Variants in NLRC5 observed in about 807,000 individuals in gnomAD.
NLRC5 encodes the protein NLR family CARD domain containing 5, also known as protein NLRC5.
NLRC5 carries 114 observed loss-of-function variants against 206.9 expected under a neutral mutation model. The ratio of observed to expected loss-of-function variants is 0.55; its 90% CI spans 0.47 to 0.64. The LOEUF (loss-of-function observed/expected upper bound fraction) is 0.64. Among genes scored for constraint, NLRC5 ranks in the 30% least tolerant of loss-of-function variants. The pLI, the probability that NLRC5 is intolerant of heterozygous loss-of-function variation, is 0.00. For missense variants in NLRC5, 2,008 were observed against 2,305.5 expected, an observed-to-expected ratio of 0.87 and a Z score of 2.64; for synonymous variants, 952 against 962.8, an observed-to-expected ratio of 0.99 and a Z score of 0.21.
chr16:57,023,893 G>A (rs1453412444), intron 5 of NLRC5, 40 bp downstream of exon 5: 2 of 1,561,996 alleles, frequency 1.3e-6, no homozygotes, highest in Admixed American at 3.7e-5. Flanking sequence ...CAGAGAGATG[G>A]GGTTGCCTGG....
intron 8 of NLRC5, among the ~76,000 whole-genome samples, chr16:57,029,249 C>G (rs2061546388): frequency 6.6e-6 from 1 of 152,112 alleles, no homozygotes; most frequent in African/African-American, 2.4e-5. Flanking sequence ...TCTTAATCAC[C>G]CTCACTCCCC....
chr16:57,057,158 C>T (rs1254852926), intron 27 of NLRC5, among the ~76,000 whole-genome samples: 2 of 152,054 alleles, frequency 1.3e-5, no homozygotes, highest in Non-Finnish European at 2.9e-5. Flanking sequence ...TGGTGGCTCA[C>T]GCCTGTAATC....
chr16:57,039,295 C>T (rs2062988159), intron 15 of NLRC5, among the ~76,000 whole-genome samples: 1 of 152,204 alleles, frequency 6.6e-6, no homozygotes, highest in Non-Finnish European at 1.5e-5. Flanking sequence ...GCAATAGATA[C>T]ATTTGTGAAA....
chr16:57,034,423 A>G, intron 13 of NLRC5, 172 bp downstream of exon 13: 1 of 614,884 alleles, frequency 1.6e-6, no homozygotes, highest in South Asian at 1.9e-5. Context: ...GTCCCGGGTC[A>G]GGTGCTGTGC....
intron 34 of NLRC5, among the ~76,000 whole-genome samples, chr16:57,066,896 T>A (rs2067139122): frequency 6.6e-6 from 1 of 152,174 alleles, no homozygotes. Context: ...GAATGTTCTC[T>A]TCACGCCTAC....
Position 57,025,515 on chromosome 16 carries a change from C to T in NLRC5, c.572C>T (p.Pro191Leu), listed in dbSNP as rs74439742. Residue 191 changes from proline to leucine, a missense_variant, in exon 6 of 49, where the codon CCG becomes CTG. Coordinates refer to ENST00000688547, the MANE Select transcript of NLRC5 (RefSeq NM_001384950.1). The part of the protein sequence containing the change: ...LRRATASLDT[P>L]EGAIMGDVKV... ...CGGGCCACAGCATCCTTAGACACTCCGGAGGGGGCCATTATGGGGGACGTC... is the reference window on the plus strand; with the variant it reads ...CGGGCCACAGCATCCTTAGACACTCTGGAGGGGGCCATTATGGGGGACGTC... 0.16 allele frequency: 258,266 copies of T among 1,613,316 alleles called. 21,857 individuals are homozygous for T. The highest frequency in any genetic ancestry group is 0.21 in the Middle Eastern group (1,283 of 6,058).
At chr16:57,071,936 G>T (rs1234180022) in intron 38 of NLRC5, among the ~76,000 whole-genome samples, 1 of 152,066 alleles carries the variant, frequency 6.6e-6, no homozygotes, top group Non-Finnish European at 1.5e-5. Context: ...CATGTTTCTG[G>T]ATGGACCCAG....
Position 57,042,077 on chromosome 16 carries a change from G to T in NLRC5, c.3113+12G>T. The T allele has an allele frequency of 3.3e-6, 5 of 1,496,564 alleles. No individual in the cohort carries two copies. Among genetic ancestry groups the T allele is most frequent in the Non-Finnish European group, 4.5e-6 (5 of 1,121,086 alleles). 92.7% of individuals were successfully genotyped at this position (1,496,564 alleles called of 1,614,324 possible). A position where few individuals can be genotyped will look rare whatever the true frequency, so the allele number is the denominator to read the frequency against. ...CTGCAGTCCTTGAAGTGAGTAGCCC[G>T]CTAGGCAGAGCCTCTGAGGCTGGGG... On this transcript the variant is annotated intron_variant, in intron 19 of 48. Transcript: ENST00000688547.
intron 1 of NLRC5, 110 bp from the exon 2 acceptor site, chr16:57,016,964 G>A (rs2060163661): frequency 6.5e-6 from 1 of 152,742 alleles, no homozygotes; most frequent in African/African-American, 2.4e-5. Flanking sequence ...TGGAGCCAAT[G>A]TTCTCAGATG....
chr16:57,043,637 CT>C lies in NLRC5; in HGVS notation c.3203+34del, dbSNP rs760495442. On this transcript the variant is annotated intron_variant, in intron 20 of 48. Transcript: ENST00000688547. The stretch of plus-strand genomic sequence containing the variant: ...TGCCTCTCCGCCCCCAGCCCTGCCC[CT>C]GTCCCCCATCCCACAGGTCATCTGC... The C allele has an allele frequency of 5.0e-5, 78 of 1,557,260 alleles. No individual in the cohort carries two copies. The Middle Eastern group carries it at 5.0e-4, about 10-fold the overall frequency.
intron 38 of NLRC5, 50 bp downstream of exon 38, chr16:57,070,668 G>A: frequency 6.7e-7 from 1 of 1,496,086 alleles, no homozygotes; most frequent in South Asian, 1.1e-5. Flanking sequence ...GGTGGTTAAT[G>A]GATGGTGGAA....
At chr16:56,992,386 A>T (rs1300933352) in intron 1 of NLRC5, 1 of 152,242 alleles carries the variant, frequency 6.6e-6, no homozygotes, top group Non-Finnish European at 1.5e-5. Context: ...ATGCAAGTCC[A>T]AACACTGTAA....
intron 1 of NLRC5, among the ~76,000 whole-genome samples, chr16:57,006,636 T>C (rs1406338332): frequency 6.6e-6 from 1 of 151,866 alleles, no homozygotes; most frequent in Non-Finnish European, 1.5e-5. Context: ...TTTGATCATT[T>C]AGGTTTTTCC....
In NLRC5 at chr16:57,021,364, G is replaced by T. The variant is rs1372088183; in HGVS notation, c.295+357G>T. Reference sequence around the variant, plus strand: ...TGCTCTTGTTGGGTTTTGTTTGTTTGTTTTTTATTTTTGAGACAAGGTCTT... The same window carrying T: ...TGCTCTTGTTGGGTTTTGTTTGTTTTTTTTTTATTTTTGAGACAAGGTCTT... On this transcript the variant is annotated intron_variant, in intron 3 of 48. Coordinates refer to ENST00000688547, the MANE Select transcript of NLRC5 (RefSeq NM_001384950.1). 2.0e-5 allele frequency among the ~76,000 whole-genome samples: 3 copies of T among 152,002 alleles called. 1 individual carries two copies. The highest frequency in any genetic ancestry group is 2.4e-5 in the African/African-American group (1 of 41,378).
At chr16:57,071,884 G>A (rs543233229) in intron 38 of NLRC5, among the ~76,000 whole-genome samples, 6 of 152,052 alleles carry the variant, frequency 3.9e-5, no homozygotes, top group African/African-American at 1.4e-4. Flanking sequence ...TCAGTGAGTA[G>A]CATGCCTAGG....
chr16:57,023,151 C>T (rs2060861418), intron 4 of NLRC5, among the ~76,000 whole-genome samples: 1 of 152,212 alleles, frequency 6.6e-6, no homozygotes, highest in South Asian at 2.1e-4. Context: ...TAGGAGGACC[C>T]TGCTTGACTT....
At position 57,066,632 on chromosome 16, in the gene NLRC5, G is replaced by C. The variant is rs772079242; in HGVS notation, c.4322+18G>C. 1 of 1,609,226 alleles carries C rather than the reference G, an allele frequency of 6.2e-7. No homozygotes were observed. Among genetic ancestry groups the C allele is most frequent in the African/African-American group, 1.3e-5 (1 of 74,822 alleles). ...GCACTCAGGTGGGACCCAGCACCAG[G>C]GACCCCAAGGCAGGGGCTGGTGTTG... On this transcript the variant is annotated intron_variant, in intron 34 of 48. Transcript: ENST00000688547.
chr16:57,059,654 A>G (rs776045004), intron 30 of NLRC5, 122 bp downstream of exon 30: 118 of 905,426 alleles, frequency 1.3e-4, no homozygotes, highest in Non-Finnish European at 1.8e-4. Context: ...CTTCAAGCTC[A>G]CTGCCTGGGT....
chr16:57,009,464 G>A (rs2059267969), intron 1 of NLRC5, among the ~76,000 whole-genome samples: 1 of 151,816 alleles, frequency 6.6e-6, no homozygotes, highest in South Asian at 2.1e-4. Context: ...ATGGTGGCGT[G>A]TGCCTGTGGT....
Sources: allele counts gnomAD v4.1 joint callset (sites outside exome capture counted in the v4.1 genomes callset), GRCh38; gene constraint gnomAD v4.1.1; transcripts MANE v1.5; gene names NCBI Gene and HGNC (gene_info 2026-07-23, HGNC 2026-07-21).